The following PDE4B variants were observed in gnomAD, a reference collection of about 807,000 sequenced individuals.
PDE4B encodes 3',5'-cyclic-AMP phosphodiesterase 4B.
PDE4B carries 20 observed loss-of-function variants against 82.2 expected under a neutral mutation model. The observed-to-expected ratio is 0.24, with a 90% CI of 0.17 to 0.35. The LOEUF (loss-of-function observed/expected upper bound fraction) is 0.35, where lower values mean the gene tolerates loss of function less well. Among genes scored for constraint, PDE4B ranks in the 10% least tolerant of loss-of-function variants. PDE4B has a pLI of 1.00. For missense variants in PDE4B, 655 were observed against 907.2 expected (o/e 0.72, Z 3.57); for synonymous variants, 320 against 318.9 (o/e 1.00, Z -0.04).
At chr1:65,840,331 T>G (rs1173657213) in intron 1 of PDE4B, among the ~76,000 whole-genome samples, 1 of 152,102 alleles carries the variant, frequency 6.6e-6, no homozygotes, top group Non-Finnish European at 1.5e-5. Context: ...ATAATAAAAG[T>G]TTTAAAAGAA....
chr1:66,313,015 C>T (rs1658776839), intron 7 of PDE4B, among the ~76,000 whole-genome samples: 1 of 152,216 alleles, frequency 6.6e-6, no homozygotes, highest in Non-Finnish European at 1.5e-5. Flanking sequence ...CCCAACCCCA[C>T]TTTTTAAATT....
chr1:66,161,022 A>G (rs945905281), intron 3 of PDE4B, among the ~76,000 whole-genome samples: 4 of 150,690 alleles, frequency 2.7e-5, no homozygotes, highest in Admixed American at 2.0e-4. Context: ...TAAAATACCC[A>G]GAAACAACCA....
intron 1 of PDE4B, among the ~76,000 whole-genome samples, chr1:65,873,897 C>T (rs1037873959): frequency 1.1e-4 from 16 of 151,862 alleles, no homozygotes; most frequent in Admixed American, 7.2e-4. Flanking sequence ...CTTGGTGATG[C>T]GGGCTCTTTT....
intron 3 of PDE4B, among the ~76,000 whole-genome samples, chr1:66,180,932 G>A (rs1208595466): frequency 6.6e-6 from 1 of 152,158 alleles, no homozygotes; most frequent in Non-Finnish European, 1.5e-5. Flanking sequence ...ACTAATAGCT[G>A]TCCCATTTAG....
At chr1:66,086,569 T>G (rs1657018056) in intron 3 of PDE4B, among the ~76,000 whole-genome samples, 6 of 152,208 alleles carry the variant, frequency 3.9e-5, no homozygotes. Flanking sequence ...AACATTTTAC[T>G]TATAATTTCT....
chr1:65,829,667 A>G (rs1452512299), intron 1 of PDE4B, among the ~76,000 whole-genome samples: 1 of 152,186 alleles, frequency 6.6e-6, no homozygotes, highest in Non-Finnish European at 1.5e-5. Flanking sequence ...ATCCTTCAAT[A>G]TTTGAAAATG....
intron 3 of PDE4B, among the ~76,000 whole-genome samples, chr1:66,208,308 A>G (rs1429459015): frequency 1.3e-5 from 2 of 152,178 alleles, no homozygotes; most frequent in Non-Finnish European, 2.9e-5. Context: ...CACTCCAGAT[A>G]ACAACTGTTG....
At position 66,042,930 on chromosome 1, in the gene PDE4B, G is replaced by T. The variant is rs116936519; in HGVS notation, c.281+124095G>T. Reference sequence around the variant, plus strand: ...CAAATTGGAACTGTACTTCAGCAATGGTGTAGTTCTTTGCAGTGCAGTCTA... The same window carrying T: ...CAAATTGGAACTGTACTTCAGCAATTGTGTAGTTCTTTGCAGTGCAGTCTA... On this transcript the variant is annotated intron_variant, in intron 3 of 16. Coordinates refer to ENST00000341517, the MANE Select transcript of PDE4B (RefSeq NM_002600.4). 3.3e-5 allele frequency among the ~76,000 whole-genome samples: 5 copies of T among 151,834 alleles called. No individual in the cohort carries two copies. In the East Asian group the frequency reaches 9.7e-4, roughly 29 times the overall value.
chr1:66,259,641 C>G (rs1272186780), intron 6 of PDE4B, among the ~76,000 whole-genome samples: 1 of 152,148 alleles, frequency 6.6e-6, no homozygotes, highest in Non-Finnish European at 1.5e-5. Flanking sequence ...CTTTATGGAT[C>G]TCTGCCCACC....
At chr1:65,812,011 A>T (rs982810976) in intron 1 of PDE4B, among the ~76,000 whole-genome samples, 52 of 152,142 alleles carry the variant, frequency 3.4e-4, no homozygotes, top group African/African-American at 1.0e-3. Context: ...CAAAATTAAC[A>T]TATTGTAGTA....
chr1:65,819,574 T>A (rs1645928480), intron 1 of PDE4B, among the ~76,000 whole-genome samples: 2 of 150,924 alleles, frequency 1.3e-5, no homozygotes, highest in African/African-American at 4.9e-5. Context: ...CGATCTCGGC[T>A]CACTGCAAGC....
chr1:66,124,586 A>T (rs1438438103), intron 3 of PDE4B, among the ~76,000 whole-genome samples: 1 of 152,162 alleles, frequency 6.6e-6, no homozygotes, highest in Non-Finnish European at 1.5e-5. Context: ...GTGACTTTTT[A>T]ATGGCTGAAC....
At chr1:65,884,451 T>C (rs1291795613) in intron 1 of PDE4B, among the ~76,000 whole-genome samples, 1 of 152,140 alleles carries the variant, frequency 6.6e-6, no homozygotes, top group East Asian at 1.9e-4. Flanking sequence ...GCTACCTGAC[T>C]TCAAACTATA....
At chr1:65,813,983 T>C (rs1229711503) in intron 1 of PDE4B, among the ~76,000 whole-genome samples, 1 of 150,966 alleles carries the variant, frequency 6.6e-6, no homozygotes, top group African/African-American at 2.4e-5. Flanking sequence ...AAGCCCTGAG[T>C]GTATGTGAGC....
At chr1:65,886,053 T>C (rs1414921399) in intron 1 of PDE4B, among the ~76,000 whole-genome samples, 1 of 151,142 alleles carries the variant, frequency 6.6e-6, no homozygotes, top group Non-Finnish European at 1.5e-5. Context: ...AGAGTTAGTA[T>C]GAAAAAAGGA....
At chr1:66,209,300 A>C (rs1649830438) in intron 3 of PDE4B, among the ~76,000 whole-genome samples, 1 of 152,190 alleles carries the variant, frequency 6.6e-6, no homozygotes, top group African/African-American at 2.4e-5. Flanking sequence ...CATGCTTGGA[A>C]GTTTCATGTG....
intron 3 of PDE4B, among the ~76,000 whole-genome samples, chr1:66,146,126 A>T (rs969930107): frequency 1.4e-5 from 2 of 145,726 alleles, no homozygotes; most frequent in Non-Finnish European, 3.0e-5. Context: ...TATCAACACT[A>T]CTCATCCTGA....
intron 3 of PDE4B, among the ~76,000 whole-genome samples, chr1:65,985,641 T>C (rs1231075945): frequency 6.6e-6 from 1 of 152,188 alleles, no homozygotes; most frequent in Non-Finnish European, 1.5e-5. Context: ...GTGTGGTTTT[T>C]ACAACATCTA....
chr1:66,367,702 A>T lies in PDE4B; in HGVS notation c.1391A>T (p.Glu464Val). 1.2e-6 allele frequency: 2 copies of T among 1,609,088 alleles called. No homozygotes were observed. Among genetic ancestry groups the T allele is most frequent in the Non-Finnish European group, 1.7e-6 (2 of 1,177,856 alleles). ...SNQFLINTNS[E>V]LALMYNDESV... Reference sequence around the variant, plus strand: ...ATTTGGTCTGATTTATTAGATTCAGAACTTGCTTTGATGTATAATGATGAA... The same window carrying T: ...ATTTGGTCTGATTTATTAGATTCAGTACTTGCTTTGATGTATAATGATGAA... The change falls in exon 14 of 17, where the codon GAA becomes GTA. Residue 464 changes from glutamate (E) to valine (V), a missense_variant. Around this residue, in one of 3 missense-constraint regions of PDE4B, gnomAD observed 283 missense variants for 516.4 expected, o/e 0.55. Coordinates refer to ENST00000341517, the MANE Select transcript of PDE4B (RefSeq NM_002600.4).
Sources: allele counts gnomAD v4.1 joint callset (sites outside exome capture counted in the v4.1 genomes callset), GRCh38; gene constraint gnomAD v4.1.1; regional missense constraint gnomAD v4.1.1; transcripts MANE v1.5; gene names NCBI Gene and HGNC (gene_info 2026-07-23, HGNC 2026-07-21).